THRB: variants seen among roughly 807,000 people sequenced by gnomAD.
THRB encodes the protein thyroid hormone receptor beta, also known as nuclear receptor subfamily 1 group A member 2.
Under a neutral mutation model 47.8 loss-of-function variants are expected in THRB, and 12 were observed. The ratio of observed to expected loss-of-function variants is 0.25; its 90% CI spans 0.16 to 0.41. THRB has a LOEUF of 0.41. THRB is among the 10% of genes least tolerant of loss of function. The pLI is 1.00. For missense variants in THRB, 348 were observed against 589.2 expected, an observed-to-expected ratio of 0.59 and a Z score of 4.24; for synonymous variants, 218 against 212.2, an observed-to-expected ratio of 1.03 and a Z score of -0.24.
At chr3:24,454,066 T>A (rs1359378126) in intron 1 of THRB, among the ~76,000 whole-genome samples, 1 of 152,138 alleles carries the variant, frequency 6.6e-6, no homozygotes. Context: ...ATTTTGCAAA[T>A]CATATCTCTG....
At chr3:24,486,423 T>C (rs1212873403) in intron 1 of THRB, 1 of 152,218 alleles carries the variant, frequency 6.6e-6, no homozygotes, top group African/African-American at 2.4e-5. Context: ...ACTTGGCAGA[T>C]GTCCCATGCA....
At chr3:24,421,361 T>TAA (rs60203372) in intron 1 of THRB, among the ~76,000 whole-genome samples, 41 of 145,572 alleles carry the variant, frequency 2.8e-4, no homozygotes, top group East Asian at 4.0e-4. Flanking sequence ...AAAGTCACAT[T>TAA]AAAAAAAAAA....
At chr3:24,368,221 T>A (rs1379350181) in intron 1 of THRB, among the ~76,000 whole-genome samples, 1 of 152,074 alleles carries the variant, frequency 6.6e-6, no homozygotes, top group Non-Finnish European at 1.5e-5. Context: ...TGAAAAAAAA[T>A]ACACGGATGA....
intron 8 of THRB, among the ~76,000 whole-genome samples, chr3:24,141,899 T>C (rs2035499341): frequency 1.3e-5 from 2 of 152,190 alleles, no homozygotes; most frequent in African/African-American, 2.4e-5. Flanking sequence ...TGCAATTAGG[T>C]AGGACTCTGT....
chr3:24,339,298 T>C (rs1003918253), intron 1 of THRB, among the ~76,000 whole-genome samples: 2 of 152,202 alleles, frequency 1.3e-5, no homozygotes, highest in Admixed American at 6.5e-5. Flanking sequence ...ACACACATTA[T>C]GGACTGGGTT....
chr3:24,450,988 A>G (rs1245561127), intron 1 of THRB, among the ~76,000 whole-genome samples: 1 of 152,196 alleles, frequency 6.6e-6, no homozygotes, highest in African/African-American at 2.4e-5. Context: ...TGAAATAAAA[A>G]TATGTAAATA....
chr3:24,375,348 TATA>T (rs1247876551), intron 1 of THRB, among the ~76,000 whole-genome samples: 2 of 141,736 alleles, frequency 1.4e-5, no homozygotes, highest in South Asian at 2.1e-4. Flanking sequence ...TATTTAGACA[TATA>T]ATATTAATAT....
intron 3 of THRB, among the ~76,000 whole-genome samples, chr3:24,254,081 C>T (rs915172631): frequency 4.7e-5 from 7 of 150,376 alleles, no homozygotes; most frequent in South Asian, 4.2e-4. Flanking sequence ...TCAGATTTAC[C>T]GGCCGGGCGT....
At chr3:24,284,867 T>C (rs1350130743) in intron 3 of THRB, among the ~76,000 whole-genome samples, 1 of 152,084 alleles carries the variant, frequency 6.6e-6, no homozygotes, top group African/African-American at 2.4e-5. Context: ...AAATGCAAAT[T>C]AAAACCACAA....
At chr3:24,252,685 C>A (rs1452618411) in intron 3 of THRB, among the ~76,000 whole-genome samples, 1 of 150,970 alleles carries the variant, frequency 6.6e-6, no homozygotes, top group Non-Finnish European at 1.5e-5. Flanking sequence ...GTTAAATAAA[C>A]CATCTGGGAA....
At chr3:24,429,695 A>G (rs2070163020) in intron 1 of THRB, among the ~76,000 whole-genome samples, 1 of 152,042 alleles carries the variant, frequency 6.6e-6, no homozygotes, top group African/African-American at 2.4e-5. Context: ...TTTTGTAGAG[A>G]CAGGGCCTTA....
intron 2 of THRB, among the ~76,000 whole-genome samples, chr3:24,325,141 C>A (rs1390003500): frequency 6.6e-6 from 1 of 152,126 alleles, no homozygotes; most frequent in African/African-American, 2.4e-5. Context: ...AACACATAGT[C>A]TATCAGATGA....
intron 1 of THRB, among the ~76,000 whole-genome samples, chr3:24,488,711 A>G (rs1022925265): frequency 3.9e-5 from 6 of 152,216 alleles, no homozygotes; most frequent in African/African-American, 1.4e-4. Context: ...TGCTAAAAGA[A>G]TATACTTCAA....
rs566806536 is a variant in THRB, at chr3:24,316,822, C to G, written c.-188-19451G>C. The stretch of plus-strand genomic sequence containing the variant: ...GCACACCTTAAAACATCCTCCACCC[C>G]CCAGAACACTTGACACCTCCCAAAC... On this transcript the variant is annotated intron_variant, in intron 2 of 10. Coordinates refer to ENST00000646209, the MANE Select transcript of THRB (RefSeq NM_001354712.2). Among the ~76,000 whole-genome samples, 20 of 152,262 alleles carry G rather than the reference C, an allele frequency of 1.3e-4. No homozygotes were observed. The East Asian group carries it at 3.5e-3, about 27-fold the overall frequency.
intron 5 of THRB, among the ~76,000 whole-genome samples, chr3:24,159,317 G>A (rs956850168): frequency 7.9e-5 from 12 of 152,194 alleles, no homozygotes; most frequent in African/African-American, 2.9e-4. Flanking sequence ...CAGTCACATG[G>A]ATGTGCGCTT....
At chr3:24,385,310 A>T (rs1275960684) in intron 1 of THRB, among the ~76,000 whole-genome samples, 1 of 152,102 alleles carries the variant, frequency 6.6e-6, no homozygotes, top group Non-Finnish European at 1.5e-5. Flanking sequence ...GAAAATTTTT[A>T]TAACAGAAAT....
At chr3:24,309,611 A>G (rs2057607415) in intron 2 of THRB, among the ~76,000 whole-genome samples, 1 of 152,232 alleles carries the variant, frequency 6.6e-6, no homozygotes, top group Non-Finnish European at 1.5e-5. Flanking sequence ...TGAATAATTA[A>G]TAATGTCTTA....
chr3:24,367,553 C>T (rs1245042731), intron 1 of THRB, among the ~76,000 whole-genome samples: 2 of 152,130 alleles, frequency 1.3e-5, no homozygotes, highest in African/African-American at 4.8e-5. Flanking sequence ...AGGTTCAAGT[C>T]CTTCTATGCC....
chr3:24,163,993 A>C (rs1384176205), intron 5 of THRB, among the ~76,000 whole-genome samples: 1 of 152,162 alleles, frequency 6.6e-6, no homozygotes, highest in Non-Finnish European at 1.5e-5. Flanking sequence ...AGATTAATTT[A>C]ACAGAGAAAT....
Sources: allele counts gnomAD v4.1 joint callset (sites outside exome capture counted in the v4.1 genomes callset), GRCh38; gene constraint gnomAD v4.1.1; transcripts MANE v1.5; gene names NCBI Gene and HGNC (gene_info 2026-07-23, HGNC 2026-07-21).